Variants in HDAC8 observed in about 807,000 individuals in gnomAD.
HDAC8 encodes the protein histone deacetylase-like 1.
HDAC8 carries 1 observed loss-of-function variant against 32.2 expected under a neutral mutation model. That is an observed-to-expected ratio of 0.03 (90% CI 0.01 to 0.15). The LOEUF (loss-of-function observed/expected upper bound fraction) is 0.15, where lower values mean the gene tolerates loss of function less well. Among genes scored for constraint, HDAC8 ranks in the 10% least tolerant of loss-of-function variants. HDAC8 has a pLI of 1.00. For missense variants in HDAC8, 117 were observed against 300.0 expected (o/e 0.39, Z 4.51); for synonymous variants, 108 against 113.9 (o/e 0.95, Z 0.33).
chrX:72,418,438 C>T (rs1193494609), intron 9 of HDAC8, among the ~76,000 whole-genome samples: 2 of 111,507 alleles, frequency 1.8e-5, no homozygotes, highest in Non-Finnish European at 3.8e-5. Flanking sequence ...AAAAATGCTC[C>T]ACATCACTAA....
chrX:72,474,947 A>G (rs782426900), intron 7 of HDAC8, among the ~76,000 whole-genome samples: 13 of 111,554 alleles, frequency 1.2e-4, no homozygotes, highest in Non-Finnish European at 2.4e-4. Context: ...TAGATAATCA[A>G]TATCCTAAAA....
chrX:72,333,617 G>C (rs1211208237), intron 10 of HDAC8, among the ~76,000 whole-genome samples: 3 of 108,254 alleles, frequency 2.8e-5, no homozygotes, highest in Non-Finnish European at 5.7e-5. Context: ...CTTGAACCTG[G>C]GAGGTGGAGG....
intron 7 of HDAC8, among the ~76,000 whole-genome samples, chrX:72,487,526 G>T (rs1327346871): frequency 9.1e-6 from 1 of 110,271 alleles, no homozygotes; most frequent in Non-Finnish European, 1.9e-5. Context: ...TTCAATAGGG[G>T]CACATGTAAA....
chrX:72,472,067 T>TTA (rs2048194809), intron 7 of HDAC8, among the ~76,000 whole-genome samples: 1 of 101,612 alleles, frequency 9.8e-6, no homozygotes, highest in African/African-American at 3.7e-5. Flanking sequence ...TATTTTATTT[T>TTA]ATTTATTTTT....
At chrX:72,420,036 T>C (rs992237624) in intron 9 of HDAC8, among the ~76,000 whole-genome samples, 26 of 112,020 alleles carry the variant, frequency 2.3e-4, no homozygotes, top group African/African-American at 6.8e-4. Context: ...TTTGTGTCTA[T>C]ATTCATAAGA....
chrX:72,516,966 C>T (rs782655109), intron 4 of HDAC8, among the ~76,000 whole-genome samples: 21 of 111,944 alleles, frequency 1.9e-4, no homozygotes, highest in African/African-American at 4.5e-4. Flanking sequence ...TGGATAATGG[C>T]GTGCATTTGC....
At chrX:72,507,385 G>C (rs1373664535) in intron 4 of HDAC8, among the ~76,000 whole-genome samples, 3 of 111,897 alleles carry the variant, frequency 2.7e-5, no homozygotes, top group Non-Finnish European at 5.6e-5. Context: ...AAACAAAAGA[G>C]AGAAATGACA....
chrX:72,381,611 C>T (rs1455391667), intron 9 of HDAC8, among the ~76,000 whole-genome samples: 5 of 112,137 alleles, frequency 4.5e-5, no homozygotes, highest in African/African-American at 9.7e-5. Context: ...GAAATTGGCT[C>T]ATGGCAATGG....
At chrX:72,354,019 T>G (rs2044256589) in intron 9 of HDAC8, among the ~76,000 whole-genome samples, 1 of 112,041 alleles carries the variant, frequency 8.9e-6, no homozygotes, top group South Asian at 3.7e-4. Context: ...CTCTCCTACT[T>G]TAGCTCCCTC....
intron 4 of HDAC8, among the ~76,000 whole-genome samples, chrX:72,504,237 A>G (rs1358450040): frequency 1.8e-5 from 2 of 111,951 alleles, no homozygotes; most frequent in African/African-American, 6.5e-5. Flanking sequence ...TAGTACCTTT[A>G]CAATACTGTG....
intron 4 of HDAC8, among the ~76,000 whole-genome samples, chrX:72,509,536 A>T (rs1160866671): frequency 6.2e-5 from 7 of 112,248 alleles, no homozygotes; most frequent in Non-Finnish European, 1.3e-4. Context: ...CATAAAGTGG[A>T]TTATTATTCC....
At chrX:72,423,327 C>A (rs1555974351) in intron 9 of HDAC8, among the ~76,000 whole-genome samples, 2 of 111,881 alleles carry the variant, frequency 1.8e-5, no homozygotes, top group African/African-American at 6.5e-5. Context: ...CTACCTCACC[C>A]TTTCCTGTTT....
chrX:72,549,734 C>G (rs979318820), intron 4 of HDAC8, among the ~76,000 whole-genome samples: 2 of 111,605 alleles, frequency 1.8e-5, no homozygotes, highest in Non-Finnish European at 3.8e-5. Context: ...TCTAGACCAC[C>G]CCTTCCTTAT....
intron 9 of HDAC8, among the ~76,000 whole-genome samples, chrX:72,402,003 T>G (rs1318610695): frequency 9.0e-6 from 1 of 111,669 alleles, no homozygotes; most frequent in Non-Finnish European, 1.9e-5. Context: ...TGGTGGCAGG[T>G]TTTTTTTGAT....
chrX:72,546,021 G>A (rs55783420), intron 4 of HDAC8, among the ~76,000 whole-genome samples: 3,955 of 111,721 alleles, frequency 0.035, 78 homozygotes, highest in Non-Finnish European at 0.056. Flanking sequence ...TGGGGAACTG[G>A]AACTGTAGTG....
intron 10 of HDAC8, among the ~76,000 whole-genome samples, chrX:72,344,735 C>T (rs2984290): frequency 0.13 from 14,503 of 110,419 alleles, 1,040 homozygotes; most frequent in South Asian, 0.47. Flanking sequence ...TTCCTTTCTC[C>T]CTGATCCTCT....
chrX:72,476,766 T>C (rs1556000782), intron 7 of HDAC8, among the ~76,000 whole-genome samples: 3 of 111,857 alleles, frequency 2.7e-5, no homozygotes, highest in African/African-American at 3.3e-5. Context: ...CTCCATAACA[T>C]TGAATGAATA....
intron 7 of HDAC8, chrX:72,474,065 T>C (rs1396389441): frequency 5.8e-6 from 4 of 690,172 alleles, no homozygotes; most frequent in Non-Finnish European, 6.9e-6. Context: ...AATCTCTGTA[T>C]ATTCAAACTT....
chrX:72,448,608 T>C (rs2047484065), intron 9 of HDAC8, among the ~76,000 whole-genome samples: 1 of 112,189 alleles, frequency 8.9e-6, no homozygotes, highest in Non-Finnish European at 1.9e-5. Context: ...CTAAAGAGCT[T>C]CTGCACAGCA....
Sources: allele counts gnomAD v4.1 joint callset (sites outside exome capture counted in the v4.1 genomes callset), GRCh38; gene constraint gnomAD v4.1.1; transcripts MANE v1.5; gene names NCBI Gene and HGNC (gene_info 2026-07-23, HGNC 2026-07-21).